USP12: variants seen among roughly 807,000 people sequenced by gnomAD.
USP12 encodes ubiquitin specific peptidase 12, also known as ubiquitin carboxyl-terminal hydrolase 12.
USP12 carries 19 observed loss-of-function variants against 45.5 expected under a neutral mutation model. The observed-to-expected ratio is 0.42, with a 90% CI of 0.29 to 0.61. USP12 has a LOEUF of 0.61. Ranked by LOEUF, USP12 falls within the 20% of genes least tolerant of loss-of-function variation. The pLI, the probability that USP12 is intolerant of heterozygous loss-of-function variation, is 0.22. For missense variants in USP12, 242 were observed against 447.7 expected (o/e 0.54, Z 4.15); for synonymous variants, 149 against 148.8 (o/e 1.00, Z -0.01).
At chr13:27,076,186 G>C (rs893928229) in intron 6 of USP12, among the ~76,000 whole-genome samples, 3 of 152,008 alleles carry the variant, frequency 2.0e-5, no homozygotes, top group African/African-American at 7.2e-5. Context: ...AAGCACTAAA[G>C]ACCAATCAAG....
chr13:27,122,945 T>A (rs982819780), intron 1 of USP12, among the ~76,000 whole-genome samples: 4 of 150,534 alleles, frequency 2.7e-5, no homozygotes, highest in Admixed American at 6.6e-5. Flanking sequence ...TACAAAAAAA[T>A]TAGCCAGGCC....
chr13:27,118,855 G>A lies in USP12; in HGVS notation c.49-2259C>T, dbSNP rs778303699. On this transcript the variant is annotated intron_variant, in intron 1 of 8. Transcript: ENST00000282344. ...CTGTTAGCCGAATCACATGCCACTC[G>A]CCTTGTATTCTAACCACCCCACATG... is the stretch of plus-strand genomic sequence containing the variant. 4.6e-5 allele frequency among the ~76,000 whole-genome samples: 7 copies of A among 152,198 alleles called. 1 individual carries two copies. In the South Asian group the frequency reaches 8.3e-4, roughly 18 times the overall value.
chr13:27,137,864 G>A (rs1876877724), intron 1 of USP12, among the ~76,000 whole-genome samples: 3 of 152,264 alleles, frequency 2.0e-5, no homozygotes, highest in African/African-American at 7.2e-5. Context: ...TGGCTTGGAA[G>A]GAGCAAGCTG....
At chr13:27,082,759 A>C (rs1340226186) in intron 6 of USP12, among the ~76,000 whole-genome samples, 2 of 152,218 alleles carry the variant, frequency 1.3e-5, no homozygotes, top group Admixed American at 1.3e-4. Flanking sequence ...CTTAGGGAAT[A>C]AAGAGGCCTG....
At chr13:27,153,686 T>G (rs535540839) in intron 1 of USP12, among the ~76,000 whole-genome samples, 2 of 152,134 alleles carry the variant, frequency 1.3e-5, no homozygotes, top group Non-Finnish European at 2.9e-5. Context: ...GATGTGAATT[T>G]AAGTCTCATT....
At chr13:27,149,594 T>C (rs1005011389) in intron 1 of USP12, among the ~76,000 whole-genome samples, 4 of 152,170 alleles carry the variant, frequency 2.6e-5, no homozygotes, top group South Asian at 2.1e-4. Flanking sequence ...TGGAGTAGAA[T>C]AGTGGTTACT....
intron 1 of USP12, among the ~76,000 whole-genome samples, chr13:27,135,640 G>T (rs144421625): frequency 6.6e-6 from 1 of 152,264 alleles, no homozygotes; most frequent in African/African-American, 2.4e-5. Context: ...GTTTGAACCA[G>T]GGTGGCAAAG....
chr13:27,095,336 T>C (rs1200295266), intron 4 of USP12, among the ~76,000 whole-genome samples: 1 of 152,168 alleles, frequency 6.6e-6, no homozygotes, highest in Non-Finnish European at 1.5e-5. Context: ...TTCCACAACA[T>C]GGTTCTATGG....
intron 1 of USP12, among the ~76,000 whole-genome samples, chr13:27,159,820 C>T (rs1029971641): frequency 5.3e-5 from 8 of 152,120 alleles, no homozygotes; most frequent in African/African-American, 7.2e-5. Flanking sequence ...CCTAAGTCAT[C>T]ATTAACATAA....
chr13:27,171,696 G>T lies in USP12; in HGVS notation c.-57C>A. The T allele has an allele frequency of 8.9e-7, 1 of 1,120,538 alleles. No homozygotes were observed. Among genetic ancestry groups the T allele is most frequent in the Non-Finnish European group, 1.1e-6 (1 of 881,086 alleles). The allele number at this position is 1,120,538 out of a possible 1,614,324, so 69.4% of individuals were successfully genotyped here. A position where few individuals can be genotyped will look rare whatever the true frequency, so the allele number is the denominator to read the frequency against. On this transcript the variant is annotated 5_prime_UTR_variant, in exon 1 of 9. Coordinates refer to ENST00000282344, the MANE Select transcript of USP12 (RefSeq NM_182488.4). Reference sequence around the variant, plus strand: ...CGGCGGCGGCGGGCGGGGGAGGAGGGGAGCCGGGCCGCCCGCTCGCACCGC... The same window carrying T: ...CGGCGGCGGCGGGCGGGGGAGGAGGTGAGCCGGGCCGCCCGCTCGCACCGC...
intron 2 of USP12, among the ~76,000 whole-genome samples, chr13:27,108,909 C>T (rs1269319918): frequency 6.6e-6 from 1 of 152,110 alleles, no homozygotes; most frequent in Middle Eastern, 3.2e-3. Flanking sequence ...CCACTGTACT[C>T]GGGCTTGGGC....
At chr13:27,103,863 T>C (rs917772383) in intron 3 of USP12, among the ~76,000 whole-genome samples, 5 of 151,448 alleles carry the variant, frequency 3.3e-5, no homozygotes, top group African/African-American at 1.2e-4. Flanking sequence ...CAAACAAACA[T>C]ATAAAGCCAT....
rs1289444305 is a variant in USP12, at chr13:27,086,187, A to ATACATATATAT, written c.734+3695_734+3696insATATATATGTA. On this transcript the variant is annotated intron_variant, in intron 6 of 8. Coordinates refer to ENST00000282344, the MANE Select transcript of USP12 (RefSeq NM_182488.4). ...CTTTTGTCTCTTTAAAAAAAAAAAA[A>ATACATATATAT]AAAAAAAAAAATATATATATATATA... Among the ~76,000 whole-genome samples the ATACATATATAT allele has an allele frequency of 8.2e-5, 6 of 72,882 alleles. 1 individual carries two copies. The highest frequency in any genetic ancestry group is 4.7e-4 in the Admixed American group (3 of 6,356). 47.8% of individuals were successfully genotyped at this position (72,882 alleles called of 152,430 possible). A position where few individuals can be genotyped will look rare whatever the true frequency, so the allele number is the denominator to read the frequency against.
intron 1 of USP12, among the ~76,000 whole-genome samples, chr13:27,123,217 T>C (rs971525072): frequency 2.0e-5 from 3 of 152,218 alleles, no homozygotes; most frequent in African/African-American, 7.2e-5. Context: ...GACTTGAGTC[T>C]GGTCTTGGCC....
chr13:27,156,208 A>G (rs1288307306), intron 1 of USP12, among the ~76,000 whole-genome samples: 5 of 115,420 alleles, frequency 4.3e-5, no homozygotes, highest in African/African-American at 1.7e-4. Context: ...TTGTACCTCA[A>G]CTCCTGCAAG....
chr13:27,121,657 C>T lies in USP12; in HGVS notation c.49-5061G>A, dbSNP rs374588130. Among the ~76,000 whole-genome samples, 498 of 151,792 alleles carry T rather than the reference C, an allele frequency of 3.3e-3. 37 individuals are homozygous for T. The South Asian group carries it at 0.1, about 30-fold the overall frequency. On this transcript the variant is annotated intron_variant, in intron 1 of 8. Coordinates refer to ENST00000282344, the MANE Select transcript of USP12 (RefSeq NM_182488.4). ...CAGGTGGATCACGAGGTCAGGAAATCGAGACCATCCTGGCTAACACGGTGA... is the reference window on the plus strand; with the variant it reads ...CAGGTGGATCACGAGGTCAGGAAATTGAGACCATCCTGGCTAACACGGTGA...
intron 1 of USP12, among the ~76,000 whole-genome samples, chr13:27,133,802 T>C (rs985869794): frequency 6.6e-6 from 1 of 152,280 alleles, no homozygotes; most frequent in East Asian, 1.9e-4. Context: ...AAAAATTATA[T>C]TCAGAAAAAT....
At chr13:27,149,386 A>G (rs1877464818) in intron 1 of USP12, among the ~76,000 whole-genome samples, 2 of 152,226 alleles carry the variant, frequency 1.3e-5, no homozygotes, top group South Asian at 2.1e-4. Context: ...CATAGGTTCT[A>G]GCCAGCAGTT....
chr13:27,096,182 A>G (rs1411859092), intron 3 of USP12, among the ~76,000 whole-genome samples: 1 of 152,236 alleles, frequency 6.6e-6, no homozygotes, highest in Middle Eastern at 3.2e-3. Flanking sequence ...TTAAAGCAGA[A>G]GTTGGACAAC....
Sources: allele counts gnomAD v4.1 joint callset (sites outside exome capture counted in the v4.1 genomes callset), GRCh38; gene constraint gnomAD v4.1.1; transcripts MANE v1.5; gene names NCBI Gene and HGNC (gene_info 2026-07-23, HGNC 2026-07-21).